Variants in METAP1D observed in about 807,000 individuals in gnomAD.
The protein encoded by METAP1D is methionyl aminopeptidase type 1D, mitochondrial.
In METAP1D, 31 loss-of-function variants were observed where a neutral mutation model predicts 40.5. That is an observed-to-expected ratio of 0.77 (90% CI 0.58 to 1.03). The LOEUF is 1.03. Among genes scored for constraint, METAP1D ranks in the 50% least tolerant of loss-of-function variants. METAP1D has a pLI of 0.00. For missense variants in METAP1D, 411 were observed against 420.7 expected, an observed-to-expected ratio of 0.98 and a Z score of 0.20; for synonymous variants, 151 against 146.4, an observed-to-expected ratio of 1.03 and a Z score of -0.22.
chr2:172,073,161 A>G (rs1223286890), intron 6 of METAP1D, among the ~76,000 whole-genome samples: 1 of 152,198 alleles, frequency 6.6e-6, no homozygotes, highest in East Asian at 1.9e-4. Flanking sequence ...AGGGGAATAA[A>G]AAGAAAAATC....
At position 172,034,076 on chromosome 2, in the gene METAP1D, C is replaced by CAAAAAAAAAAAAAA. The variant is rs1491369972; in HGVS notation, c.41-27418_41-27405dup. Among the ~76,000 whole-genome samples the CAAAAAAAAAAAAAA allele has an allele frequency of 5.1e-5, 2 of 39,118 alleles. 1 individual carries two copies. Among genetic ancestry groups the CAAAAAAAAAAAAAA allele is most frequent in the Non-Finnish European group, 1.0e-4 (2 of 19,638 alleles). 25.7% of individuals were successfully genotyped at this position (39,118 alleles called of 152,430 possible). On this transcript the variant is annotated intron_variant, in intron 1 of 9. Coordinates refer to ENST00000315796, the MANE Select transcript of METAP1D (RefSeq NM_199227.3). ...TGGGCAACAGAGCAAGACTTCATCT[C>CAAAAAAAAAAAAAA]AAAAAAAAAAAAAAAAACAAAAGTC... is the stretch of plus-strand genomic sequence containing the variant.
At chr2:172,043,015 GTACACATATA>G in intron 1 of METAP1D, among the ~76,000 whole-genome samples, 1 of 78,554 alleles carries the variant, frequency 1.3e-5, no homozygotes, top group African/African-American at 3.3e-5. Flanking sequence ...ATGTGTATGT[GTACACATATA>G]TGTGTATATG....
At chr2:172,006,795 A>G (rs985521690) in intron 1 of METAP1D, among the ~76,000 whole-genome samples, 13 of 152,344 alleles carry the variant, frequency 8.5e-5, no homozygotes, top group South Asian at 2.1e-4. Flanking sequence ...CTATTGTTAC[A>G]TCTATACTCC....
At chr2:172,023,898 AG>A (rs1190586870) in intron 1 of METAP1D, among the ~76,000 whole-genome samples, 14 of 143,308 alleles carry the variant, frequency 9.8e-5, no homozygotes, top group Non-Finnish European at 3.0e-5. Context: ...TCTGTCACCC[AG>A]GCTGGAGTGC....
chr2:172,034,588 T>C (rs1689326720), intron 1 of METAP1D, among the ~76,000 whole-genome samples: 1 of 152,224 alleles, frequency 6.6e-6, no homozygotes, highest in Non-Finnish European at 1.5e-5. Flanking sequence ...ATGAAGTTCC[T>C]GAAAGGATCC....
chr2:172,057,658 T>C (rs1690031905), intron 1 of METAP1D, among the ~76,000 whole-genome samples: 1 of 152,218 alleles, frequency 6.6e-6, no homozygotes, highest in Admixed American at 6.5e-5. Flanking sequence ...GCTCCTGTTT[T>C]TTCTCATGCC....
At chr2:172,051,674 C>A (rs1689886716) in intron 1 of METAP1D, among the ~76,000 whole-genome samples, 1 of 152,096 alleles carries the variant, frequency 6.6e-6, no homozygotes, top group African/African-American at 2.4e-5. Context: ...GGCTGCTGCC[C>A]TTCCTCTCCC....
chr2:172,051,633 ATGT>A (rs1355598863), intron 1 of METAP1D, among the ~76,000 whole-genome samples: 1 of 152,088 alleles, frequency 6.6e-6, no homozygotes, highest in Non-Finnish European at 1.5e-5. Context: ...CCACTCTTAA[ATGT>A]TGTTATTATT....
At chr2:172,047,129 T>G (rs1574124161) in intron 1 of METAP1D, among the ~76,000 whole-genome samples, 1 of 152,226 alleles carries the variant, frequency 6.6e-6, no homozygotes, top group East Asian at 1.9e-4. Flanking sequence ...TGACAGTGAT[T>G]GAGCATTTCT....
At chr2:172,028,789 A>G (rs993029312) in intron 1 of METAP1D, among the ~76,000 whole-genome samples, 5 of 152,074 alleles carry the variant, frequency 3.3e-5, no homozygotes, top group Non-Finnish European at 7.4e-5. Context: ...AAGGAAGGAG[A>G]GTGCTTGTTT....
At chr2:172,045,819 G>GTGTATA (rs1689746734) in intron 1 of METAP1D, among the ~76,000 whole-genome samples, 1 of 15,192 alleles carries the variant, frequency 6.6e-5, no homozygotes, top group Non-Finnish European at 1.1e-4. Context: ...GTGTGTGTGT[G>GTGTATA]TATATATATA....
In METAP1D at chr2:172,028,542, CTGTGTGTGTGTGTGTG is replaced by C. The variant is rs10529698; in HGVS notation, c.40+28571_40+28586del. Among the ~76,000 whole-genome samples the C allele has an allele frequency of 8.9e-3, 1,257 of 141,302 alleles. 9 individuals carry two copies. Among genetic ancestry groups the C allele is most frequent in the South Asian group, 0.022 (96 of 4,312 alleles). 92.7% of individuals were successfully genotyped at this position (141,302 alleles called of 152,430 possible). The stretch of plus-strand genomic sequence containing the variant: ...CATGAGCAGACTTCTGTATGTGTGT[CTGTGTGTGTGTGTGTG>C]TGTGTGTGTGTGTGTGTGTGTGTGT... On this transcript the variant is annotated intron_variant, in intron 1 of 9. Transcript: ENST00000315796.
intron 3 of METAP1D, 66 bp from the exon 4 acceptor site, chr2:172,065,538 C>A: frequency 1.3e-6 from 2 of 1,514,738 alleles, no homozygotes; most frequent in Non-Finnish European, 9.1e-7. Context: ...GTTGCTATAG[C>A]ATAGTTGATA....
chr2:172,042,760 C>CGT (rs1553493886), intron 1 of METAP1D, among the ~76,000 whole-genome samples: 2,405 of 10,750 alleles, frequency 0.22, 1,150 homozygotes, highest in African/African-American at 0.4. Flanking sequence ...TACACATATA[C>CGT]GTGTGTGTGT....
intron 1 of METAP1D, among the ~76,000 whole-genome samples, chr2:172,006,909 AT>A (rs1298854791): frequency 2.0e-5 from 3 of 152,032 alleles, no homozygotes; most frequent in Non-Finnish European, 4.4e-5. Flanking sequence ...ATAGGGAGCC[AT>A]TTTTTTCTTC....
At chr2:172,014,092 G>T (rs1688793072) in intron 1 of METAP1D, among the ~76,000 whole-genome samples, 1 of 150,368 alleles carries the variant, frequency 6.7e-6, no homozygotes, top group Non-Finnish European at 1.5e-5. Flanking sequence ...GAAAGTGCTG[G>T]GATTACAGGC....
Position 172,042,324 on chromosome 2 carries a change from T to C in METAP1D, c.41-19174T>C, listed in dbSNP as rs1230424241. Among the ~76,000 whole-genome samples the C allele has an allele frequency of 1.4e-4, 6 of 44,232 alleles. 3 individuals carry two copies. The highest frequency in any genetic ancestry group is 2.7e-4 in the Non-Finnish European group (6 of 22,494). The allele number at this position is 44,232 out of a possible 152,430, so 29.0% of individuals were successfully genotyped here. ...GTACATATATACATATATACATATG[T>C]ATGTGTACATGTGTACATATATACA... is the stretch of plus-strand genomic sequence containing the variant. On this transcript the variant is annotated intron_variant, in intron 1 of 9. Transcript: ENST00000315796.
At chr2:172,002,132 G>T (rs756084482) in intron 1 of METAP1D, among the ~76,000 whole-genome samples, 4 of 151,372 alleles carry the variant, frequency 2.6e-5, no homozygotes, top group Non-Finnish European at 2.9e-5. Context: ...AGAAATCATG[G>T]CTTTTAGACT....
chr2:172,005,432 T>A (rs934252817), intron 1 of METAP1D, among the ~76,000 whole-genome samples: 10 of 151,064 alleles, frequency 6.6e-5, no homozygotes, highest in Non-Finnish European at 1.5e-4. Context: ...TCACTTAGAA[T>A]AATGGCCTCC....
Sources: allele counts gnomAD v4.1 joint callset (sites outside exome capture counted in the v4.1 genomes callset), GRCh38; gene constraint gnomAD v4.1.1; transcripts MANE v1.5; gene names NCBI Gene and HGNC (gene_info 2026-07-23, HGNC 2026-07-21).